Variants in ATP5F1B observed in about 807,000 individuals in gnomAD.
The protein encoded by ATP5F1B is ATP synthase F1 subunit beta.
A neutral mutation model predicts 45.9 loss-of-function variants in ATP5F1B; 17 were observed. That is an observed-to-expected ratio of 0.37 (90% CI 0.25 to 0.56). The LOEUF (loss-of-function observed/expected upper bound fraction) is 0.56. ATP5F1B is among the 20% of genes least tolerant of loss of function. The pLI is 0.80. For synonymous variants in ATP5F1B, 218 were observed against 256.5 expected, an observed-to-expected ratio of 0.85 and a Z score of 1.43; for missense variants, 387 against 673.2, an observed-to-expected ratio of 0.57 and a Z score of 4.70.
intron 1 of ATP5F1B, 91 bp from the exon 2 acceptor site, chr12:56,645,444 C>A (rs1951542385): frequency 7.3e-7 from 1 of 1,378,138 alleles, no homozygotes; most frequent in African/African-American, 1.4e-5. Flanking sequence ...GAGGAAAACT[C>A]AGCCGAAGTC....
In ATP5F1B at chr12:56,643,439, T is replaced by C. The variant is rs776488668; in HGVS notation, c.756A>G (p.Glu252=). 1 of 1,614,166 alleles carries C rather than the reference T, an allele frequency of 6.2e-7. No homozygotes were observed. The highest frequency in any genetic ancestry group is 1.1e-5 in the South Asian group (1 of 91,086). ...CATCTTTTAAGTTGATAACACCAGA[T>C]TCAATCATTTCATGGTATAAATCAT... ...EGNDLYHEMI[E]SGVINLKDAT... is the part of the protein sequence containing the mutation. The change falls in exon 5 of 10, where the codon GAA becomes GAG. Residue 252 remains glutamate, a synonymous_variant. Transcript: ENST00000262030.
intron 7 of ATP5F1B, among the ~76,000 whole-genome samples, chr12:56,641,914 G>A (rs1258275641): frequency 6.6e-6 from 1 of 152,112 alleles, no homozygotes; most frequent in Non-Finnish European, 1.5e-5. Flanking sequence ...AATATTTAAT[G>A]CTCAGTTTCC....
intron 1 of ATP5F1B, 135 bp downstream of exon 1, chr12:56,645,702 C>T: frequency 6.9e-7 from 1 of 1,450,144 alleles, no homozygotes; most frequent in Non-Finnish European, 9.5e-7. Flanking sequence ...TGTTCTCCAG[C>T]CATTAGAGAG....
intron 7 of ATP5F1B, among the ~76,000 whole-genome samples, 196 bp from the exon 8 acceptor site, chr12:56,640,388 C>T (rs1361306774): frequency 1.3e-5 from 2 of 152,016 alleles, no homozygotes; most frequent in Non-Finnish European, 2.9e-5. Context: ...TCACCACACC[C>T]GGCTAATTTT....
At chr12:56,642,434 C>A (rs1178265017) in intron 7 of ATP5F1B, 24 bp downstream of exon 7, 2 of 1,612,814 alleles carry the variant, frequency 1.2e-6, no homozygotes, top group Non-Finnish European at 1.7e-6. Flanking sequence ...CAAATCAGAT[C>A]TTCATCTATG....
intron 8 of ATP5F1B, 137 bp downstream of exon 8, chr12:56,639,843 A>G: frequency 2.6e-6 from 2 of 782,102 alleles, no homozygotes; most frequent in East Asian, 2.7e-5. Context: ...AGACCTCATT[A>G]GCTCTCACTA....
rs1565847413 is a variant in ATP5F1B, at chr12:56,640,009, C to T, written c.1258G>A (p.Val420Ile). Residue 420 changes from valine (V) to isoleucine (I), a missense_variant, in exon 8 of 10, where the codon GTT becomes ATT. Val to Ile is a conservative substitution (Grantham distance 29). Around this residue, in one of 6 missense-constraint regions of ATP5F1B, gnomAD observed 154 missense variants for 361.4 expected, o/e 0.43. Coordinates refer to ENST00000262030, the MANE Select transcript of ATP5F1B (RefSeq NM_001686.4). ...AGGATCTTTTGCACCCCACGGGCAA[C>T]ATCGTAATGCTCACTGCCAACAATG... Reference protein sequence around the residue: ...PNIVGSEHYDVARGVQKILQD... With the variant: ...PNIVGSEHYDIARGVQKILQD... 2 of 1,614,028 alleles carry T rather than the reference C, an allele frequency of 1.2e-6. No individual in the cohort carries two copies. Among genetic ancestry groups the T allele is most frequent in the East Asian group, 2.2e-5 (1 of 44,868 alleles).
At chr12:56,645,721 G>T (rs888634276) in intron 1 of ATP5F1B, 116 bp downstream of exon 1, 1 of 1,519,276 alleles carries the variant, frequency 6.6e-7, no homozygotes, top group Non-Finnish European at 8.9e-7. Context: ...AGCAAGACGC[G>T]GCTCCAGGCA....
chr12:56,644,731 T>G (rs762002633), intron 3 of ATP5F1B, 50 bp downstream of exon 3: 1 of 1,555,364 alleles, frequency 6.4e-7, no homozygotes. Context: ...TGTGTAAAAC[T>G]GCAAATAACA....
At position 56,643,600 on chromosome 12, in the gene ATP5F1B, G is replaced by C; in HGVS notation, c.608-13C>G. 6.2e-7 allele frequency: 1 copy of C among 1,613,462 alleles called. No individual in the cohort carries two copies. Among genetic ancestry groups the C allele is most frequent in the Non-Finnish European group, 8.5e-7 (1 of 1,179,672 alleles). On this transcript the variant is annotated splice_polypyrimidine_tract_variant and intron_variant, in intron 4 of 9. Transcript: ENST00000262030. ...CCACCAAAAAGCCCTATAAGAGGTT[G>C]AAAAGAAAGAATATTTAAGAGTTCT... is the stretch of plus-strand genomic sequence containing the variant.
chr12:56,642,063 C>T (rs1323590873), intron 7 of ATP5F1B, among the ~76,000 whole-genome samples: 1 of 152,020 alleles, frequency 6.6e-6, no homozygotes, highest in Non-Finnish European at 1.5e-5. Context: ...GTGCCCCAAT[C>T]TTGGCTCATT....
chr12:56,642,419 TTATAC>T, intron 7 of ATP5F1B, 34 bp downstream of exon 7: 1 of 1,611,336 alleles, frequency 6.2e-7, no homozygotes. Flanking sequence ...CACCCTGCCT[TTATAC>T]AAATCAGATC....
At chr12:56,644,218 C>G (rs1951533792) in intron 3 of ATP5F1B, among the ~76,000 whole-genome samples, 1 of 152,134 alleles carries the variant, frequency 6.6e-6, no homozygotes, top group South Asian at 2.1e-4. Context: ...TTTACTGAGC[C>G]TTAACCTAAC....
chr12:56,642,284 C>T (rs1951518102), intron 7 of ATP5F1B, among the ~76,000 whole-genome samples, 174 bp downstream of exon 7: 1 of 132,218 alleles, frequency 7.6e-6, no homozygotes, highest in African/African-American at 2.9e-5. Context: ...GCATGAACCA[C>T]CACGCCTGGC....
intron 9 of ATP5F1B, 74 bp downstream of exon 9, chr12:56,639,032 C>T: frequency 2.9e-6 from 4 of 1,381,402 alleles, no homozygotes; most frequent in Non-Finnish European, 4.1e-6. Flanking sequence ...TAGTATATTA[C>T]ATATATTGCT....
chr12:56,643,116 C>T (rs1951524396), intron 5 of ATP5F1B: 1 of 480,236 alleles, frequency 2.1e-6, no homozygotes, highest in South Asian at 3.7e-5. Flanking sequence ...CAATCCAGCC[C>T]TCCCAAAATT....
At chr12:56,643,730 A>C in intron 4 of ATP5F1B, 107 bp downstream of exon 4, 1 of 1,578,276 alleles carries the variant, frequency 6.3e-7, no homozygotes, top group Non-Finnish European at 8.7e-7. Context: ...AACGAAAGTC[A>C]GAACGTACTC....
At chr12:56,645,413 C>G (rs971615064) in intron 1 of ATP5F1B, 60 bp from the exon 2 acceptor site, 6 of 1,533,784 alleles carry the variant, frequency 3.9e-6, no homozygotes, top group Non-Finnish European at 5.3e-6. Flanking sequence ...TCATCGGAAG[C>G]CAGGACTTAA....
intron 2 of ATP5F1B, 24 bp downstream of exon 2, chr12:56,645,147 C>T (rs1951540372): frequency 3.1e-6 from 5 of 1,614,012 alleles, no homozygotes; most frequent in Non-Finnish European, 4.2e-6. Flanking sequence ...AAGGTCTTTA[C>T]TATTCCTAAC....
Sources: allele counts gnomAD v4.1 joint callset (sites outside exome capture counted in the v4.1 genomes callset), GRCh38; gene constraint gnomAD v4.1.1; regional missense constraint gnomAD v4.1.1; transcripts MANE v1.5; gene names NCBI Gene and HGNC (gene_info 2026-07-23, HGNC 2026-07-21).